GLG1: variants seen among roughly 807,000 people sequenced by gnomAD.
GLG1 encodes the protein Golgi apparatus protein 1.
GLG1 carries 38 observed loss-of-function variants against 160.5 expected under a neutral mutation model. The observed-to-expected ratio is 0.24, with a 90% CI of 0.18 to 0.31. The LOEUF (loss-of-function observed/expected upper bound fraction) is 0.31, where lower values mean the gene tolerates loss of function less well. GLG1 is among the 10% of genes least tolerant of loss of function. The pLI is 1.00. For synonymous variants in GLG1, 644 were observed against 543.4 expected, an observed-to-expected ratio of 1.19 and a Z score of -2.57; for missense variants, 1,373 against 1,505.2, an observed-to-expected ratio of 0.91 and a Z score of 1.45.
intron 1 of GLG1, among the ~76,000 whole-genome samples, chr16:74,560,809 C>A (rs527408030): frequency 2.0e-5 from 3 of 151,512 alleles, no homozygotes; most frequent in African/African-American, 7.3e-5. Flanking sequence ...ACACAGCAAT[C>A]CCATCTCGAA....
rs200080100 is a variant in GLG1 at position 74,456,797 on chromosome 16, C to T, written c.3266-42G>A. The T allele has an allele frequency of 9.3e-6, 11 of 1,181,636 alleles. No individual in the cohort carries two copies. In the South Asian group the frequency reaches 1.3e-4, roughly 14 times the overall value. The allele number at this position is 1,181,636 out of a possible 1,614,324, so 73.2% of individuals were successfully genotyped here. A position where few individuals can be genotyped will look rare whatever the true frequency, so the allele number is the denominator to read the frequency against. ...ATAATAAGAAGAACCTGAAACTGTA[C>T]AGAATAGAGAAATTTCTGTAAAGAT... On this transcript the variant is annotated intron_variant, in intron 24 of 25. Transcript: ENST00000422840.
In GLG1 at chr16:74,606,894, AGGCAGCTGG is replaced by A. The variant is rs1246622822; in HGVS notation, c.192_200del (p.Leu66_Gln68del). ...GTTGCTGCTGAAGCTGCGATGACTG[AGGCAGCTGG>A]GGCAGCTGCTGACCCGCCGGGCCGC... On this transcript the variant is annotated inframe_deletion, in exon 1 of 26. Transcript: ENST00000422840. The A allele has an allele frequency of 5.0e-6, 8 of 1,603,044 alleles. No homozygotes were observed. In the African/African-American group the frequency reaches 6.7e-5, roughly 13 times the overall value.
rs560762702 is a variant in GLG1 at position 74,462,207 on chromosome 16, A to G, written c.2935-12T>C. ...TCTGAAGACAGGCGCTGCATGTGACAAAGGGAGGATACATGGGCTGATCAG... is the reference window on the plus strand; with the variant it reads ...TCTGAAGACAGGCGCTGCATGTGACGAAGGGAGGATACATGGGCTGATCAG... On this transcript the variant is annotated splice_polypyrimidine_tract_variant and intron_variant, in intron 21 of 25. Transcript: ENST00000422840. 151 of 1,449,406 alleles carry G rather than the reference A, an allele frequency of 1.0e-4. No homozygotes were observed. The highest frequency in any genetic ancestry group is 2.5e-4 in the Admixed American group (15 of 59,406). 89.8% of individuals were successfully genotyped at this position (1,449,406 alleles called of 1,614,324 possible). A position where few individuals can be genotyped will look rare whatever the true frequency, so the allele number is the denominator to read the frequency against.
chr16:74,487,308 T>TCAC (rs927217188), intron 8 of GLG1, among the ~76,000 whole-genome samples: 1 of 152,050 alleles, frequency 6.6e-6, no homozygotes, highest in African/African-American at 2.4e-5. Context: ...CCCTGTTGTG[T>TCAC]CACTGATTTG....
At chr16:74,579,818 A>C (rs1453885872) in intron 1 of GLG1, among the ~76,000 whole-genome samples, 1 of 152,158 alleles carries the variant, frequency 6.6e-6, no homozygotes, top group Non-Finnish European at 1.5e-5. Flanking sequence ...TAATCCCAGC[A>C]CTTTGGGAGG....
At chr16:74,483,201 T>C (rs1224038101) in intron 9 of GLG1, 77 bp from the exon 10 acceptor site, 1 of 837,540 alleles carries the variant, frequency 1.2e-6, no homozygotes, top group Non-Finnish European at 2.0e-6. Context: ...TTCCCTGGTC[T>C]GTAGAAGGCG....
intron 1 of GLG1, among the ~76,000 whole-genome samples, chr16:74,589,957 T>A (rs1022089844): frequency 5.3e-5 from 8 of 151,006 alleles, no homozygotes; most frequent in African/African-American, 2.0e-4. Flanking sequence ...AAATAAATAA[T>A]AAAAATATAC....
At chr16:74,589,840 G>A (rs905197535) in intron 1 of GLG1, among the ~76,000 whole-genome samples, 2 of 152,126 alleles carry the variant, frequency 1.3e-5, no homozygotes, top group Non-Finnish European at 2.9e-5. Flanking sequence ...AGGAGGCTGA[G>A]GCAGGAGAAT....
At chr16:74,577,634 G>A (rs2019042539) in intron 1 of GLG1, among the ~76,000 whole-genome samples, 1 of 151,596 alleles carries the variant, frequency 6.6e-6, no homozygotes, top group South Asian at 2.1e-4. Flanking sequence ...TTTTTTTGGA[G>A]ACATTGTCTC....
intron 1 of GLG1, among the ~76,000 whole-genome samples, chr16:74,543,825 G>A (rs2017970253): frequency 6.6e-6 from 1 of 152,050 alleles, no homozygotes; most frequent in South Asian, 2.1e-4. Context: ...GAATCCTGCT[G>A]ATGGTACTCC....
chr16:74,533,059 G>A (rs1298848596), intron 1 of GLG1, among the ~76,000 whole-genome samples: 1 of 152,146 alleles, frequency 6.6e-6, no homozygotes, highest in Non-Finnish European at 1.5e-5. Flanking sequence ...GGTGGCTCAC[G>A]CCTGTAATCC....
intron 1 of GLG1, among the ~76,000 whole-genome samples, chr16:74,545,688 T>C (rs963869811): frequency 1.2e-4 from 18 of 152,250 alleles, no homozygotes; most frequent in Non-Finnish European, 2.6e-4. Flanking sequence ...AAAGAACCTT[T>C]GTATCTGAGC....
intron 1 of GLG1, among the ~76,000 whole-genome samples, chr16:74,573,658 T>C (rs2018903045): frequency 6.9e-6 from 1 of 145,968 alleles, no homozygotes; most frequent in Non-Finnish European, 1.5e-5. Flanking sequence ...TGGGCTCAGC[T>C]TCCCCAGTAG....
At chr16:74,519,565 G>GAA (rs11451279) in intron 2 of GLG1, among the ~76,000 whole-genome samples, 2,213 of 147,306 alleles carry the variant, frequency 0.015, 26 homozygotes, top group Middle Eastern at 0.028. Context: ...ACTGGTTTTT[G>GAA]AAAAAAAAAA....
chr16:74,504,873 C>T (rs762172631), intron 3 of GLG1, among the ~76,000 whole-genome samples: 2 of 151,956 alleles, frequency 1.3e-5, no homozygotes, highest in African/African-American at 2.4e-5. Context: ...GCAAACTAGC[C>T]CCCAAATGCT....
At chr16:74,455,390 A>G in intron 25 of GLG1, among the ~76,000 whole-genome samples, 1 of 152,212 alleles carries the variant, frequency 6.6e-6, no homozygotes, top group East Asian at 1.9e-4. Flanking sequence ...CAAGCCGTGA[A>G]TTACTCTGAG....
intron 1 of GLG1, among the ~76,000 whole-genome samples, chr16:74,597,098 AAG>A (rs1479694531): frequency 6.6e-6 from 1 of 151,388 alleles, no homozygotes; most frequent in Non-Finnish European, 1.5e-5. Context: ...CAGCCTGGGC[AAG>A]AGAGTGAGAC....
intron 1 of GLG1, among the ~76,000 whole-genome samples, chr16:74,581,534 TAA>T (rs33982914): frequency 4.5e-5 from 6 of 132,032 alleles, no homozygotes; most frequent in Non-Finnish European, 6.3e-5. Context: ...ATGTAAGATT[TAA>T]AAAAAAAAAA....
At chr16:74,540,273 G>C (rs978513619) in intron 1 of GLG1, among the ~76,000 whole-genome samples, 12 of 144,996 alleles carry the variant, frequency 8.3e-5, no homozygotes, top group Non-Finnish European at 1.8e-4. Flanking sequence ...ATTTTATAAA[G>C]TATTAAATGT....
Sources: allele counts gnomAD v4.1 joint callset (sites outside exome capture counted in the v4.1 genomes callset), GRCh38; gene constraint gnomAD v4.1.1; transcripts MANE v1.5; gene names NCBI Gene and HGNC (gene_info 2026-07-23, HGNC 2026-07-21).